The following KCNJ16 variants were observed in gnomAD, a reference collection of about 807,000 sequenced individuals.
KCNJ16 encodes the protein inward rectifier potassium channel 16.
A neutral mutation model predicts 18.5 loss-of-function variants in KCNJ16; 15 were observed. The observed-to-expected ratio is 0.81, with a 90% CI of 0.54 to 1.25. KCNJ16 has a LOEUF of 1.25. KCNJ16 is among the 50% of genes most tolerant of loss of function. The pLI is 0.00. For missense variants in KCNJ16, 523 were observed against 525.7 expected, an observed-to-expected ratio of 0.99 and a Z score of 0.05; for synonymous variants, 174 against 186.5, an observed-to-expected ratio of 0.93 and a Z score of 0.55.
chr17:70,079,197 T>C (rs1053380492), intron 1 of KCNJ16, among the ~76,000 whole-genome samples: 7 of 152,178 alleles, frequency 4.6e-5, no homozygotes, highest in African/African-American at 1.7e-4. Flanking sequence ...CATTGCAGTA[T>C]TGAGTTCAAA....
intron 1 of KCNJ16, among the ~76,000 whole-genome samples, chr17:70,093,949 GGA>G (rs1491386696): frequency 1.3e-5 from 2 of 148,498 alleles, no homozygotes; most frequent in Admixed American, 1.3e-4. Flanking sequence ...CAAGGAGTAA[GGA>G]AAAAAAAAAC....
chr17:70,089,012 CG>C lies in KCNJ16; in HGVS notation c.-299-11645del, dbSNP rs775261451. 3.7e-4 allele frequency among the ~76,000 whole-genome samples: 57 copies of C among 152,262 alleles called. 1 individual carries two copies. The highest frequency in any genetic ancestry group is 6.8e-3 in the Middle Eastern group (2 of 294). ...CTTAATGAGAAAAGGTTTTTAGTCT[CG>C]TTTCCACCAGAACGTGTGAAAGTTT... On this transcript the variant is annotated intron_variant, in intron 1 of 3. Coordinates refer to ENST00000392671, the MANE Select transcript of KCNJ16 (RefSeq NM_170741.4).
intron 2 of KCNJ16, chr17:70,108,280 T>C (rs1374722083): frequency 1.3e-5 from 2 of 152,260 alleles, no homozygotes; most frequent in Non-Finnish European, 2.9e-5. Context: ...CTTCTCTGTT[T>C]TTTCTTTTTC....
chr17:70,095,273 C>T (rs62081365), intron 1 of KCNJ16, among the ~76,000 whole-genome samples: 4 of 4,860 alleles, frequency 8.2e-4, no homozygotes, highest in African/African-American at 2.0e-3. Flanking sequence ...TAAGACAAAA[C>T]AACTTTGACC....
chr17:70,093,745 T>C (rs2072229224), intron 1 of KCNJ16, among the ~76,000 whole-genome samples: 1 of 152,184 alleles, frequency 6.6e-6, no homozygotes, highest in Admixed American at 6.5e-5. Flanking sequence ...TGCTTTTAGT[T>C]TCTTATGGCC....
intron 2 of KCNJ16, among the ~76,000 whole-genome samples, chr17:70,105,815 G>A (rs998138986): frequency 3.9e-5 from 6 of 152,054 alleles, no homozygotes; most frequent in Admixed American, 3.3e-4. Flanking sequence ...CATTTCACTA[G>A]AAGAAGTGGC....
At chr17:70,110,212 C>A (rs1341009478) in intron 2 of KCNJ16, among the ~76,000 whole-genome samples, 1 of 152,102 alleles carries the variant, frequency 6.6e-6, no homozygotes, top group Non-Finnish European at 1.5e-5. Context: ...CTGCCACTGA[C>A]ATAAAGGGTT....
chr17:70,109,250 T>A (rs1308930324), intron 2 of KCNJ16, among the ~76,000 whole-genome samples: 1 of 152,200 alleles, frequency 6.6e-6, no homozygotes, highest in African/African-American at 2.4e-5. Flanking sequence ...CCCAAACTAG[T>A]TAAGATTCAA....
At position 70,110,482 on chromosome 17, in the gene KCNJ16, G is replaced by GCA. The variant is rs34424075; in HGVS notation, c.-191+9735_-191+9736dup. On this transcript the variant is annotated intron_variant, in intron 2 of 3. Transcript: ENST00000392671. ...TTACACACCTACACACTTCGTGCGCGCACACACACACACACACACAAACTC... is the reference window on the plus strand; with the variant it reads ...TTACACACCTACACACTTCGTGCGCGCACACACACACACACACACACAAACTC... Among the ~76,000 whole-genome samples, 619 of 149,876 alleles carry GCA rather than the reference G, an allele frequency of 4.1e-3. 2 individuals carry two copies. The highest frequency in any genetic ancestry group is 4.3e-3 in the Non-Finnish European group (288 of 67,226).
chr17:70,130,985 G>A lies in KCNJ16; in HGVS notation c.-94+10G>A, dbSNP rs2074034573. The A allele has an allele frequency of 2.0e-6, 3 of 1,535,200 alleles. No individual in the cohort carries two copies. Among genetic ancestry groups the A allele is most frequent in the South Asian group, 1.2e-5 (1 of 84,040 alleles). On this transcript the variant is annotated intron_variant, in intron 3 of 3. Coordinates refer to ENST00000392671, the MANE Select transcript of KCNJ16 (RefSeq NM_170741.4). ...ATGGATGCTAAAAATGGTAAGAGCTGCATGTTCTGCCTTGATGTTTTCAAG... is the reference window on the plus strand; with the variant it reads ...ATGGATGCTAAAAATGGTAAGAGCTACATGTTCTGCCTTGATGTTTTCAAG...
chr17:70,104,880 T>C lies in KCNJ16; in HGVS notation c.-191+4114T>C, dbSNP rs59645233. On this transcript the variant is annotated intron_variant, in intron 2 of 3. Coordinates refer to ENST00000392671, the MANE Select transcript of KCNJ16 (RefSeq NM_170741.4). The stretch of plus-strand genomic sequence containing the variant: ...AGAACTCAGTGGCCTTTGTCTGTGG[T>C]GAATGTATCCGGAAAGGCAAAGAAG... 8.5e-5 allele frequency: 13 copies of C among 152,828 alleles called. No individual in the cohort carries two copies. In the East Asian group the frequency reaches 1.9e-3, roughly 23 times the overall value. 9.5% of individuals were successfully genotyped at this position (152,828 alleles called of 1,614,324 possible).
chr17:70,087,629 C>A (rs2071872799), intron 1 of KCNJ16, among the ~76,000 whole-genome samples: 1 of 152,024 alleles, frequency 6.6e-6, no homozygotes, highest in Admixed American at 6.5e-5. Context: ...ATCGCTTGAA[C>A]CCGGGAGGCA....
intron 1 of KCNJ16, among the ~76,000 whole-genome samples, chr17:70,092,822 G>A (rs1198511712): frequency 6.6e-6 from 1 of 152,078 alleles, no homozygotes; most frequent in African/African-American, 2.4e-5. Context: ...GAATATGGAT[G>A]CCCCATCTCC....
chr17:70,103,321 T>TATATATATATATATATAC (rs1355893521), intron 2 of KCNJ16, among the ~76,000 whole-genome samples: 22 of 44,484 alleles, frequency 4.9e-4, no homozygotes, highest in African/African-American at 1.5e-3. Context: ...TATATATATA[T>TATATATATATATATATAC]ACACACACAT....
chr17:70,091,160 C>T (rs974102232), intron 1 of KCNJ16, among the ~76,000 whole-genome samples: 3 of 152,168 alleles, frequency 2.0e-5, no homozygotes, highest in Non-Finnish European at 4.4e-5. Flanking sequence ...AGAAGAATTA[C>T]ACCAATCATG....
intron 1 of KCNJ16, among the ~76,000 whole-genome samples, chr17:70,085,947 T>C (rs2071777636): frequency 6.6e-6 from 1 of 152,116 alleles, no homozygotes; most frequent in Admixed American, 6.5e-5. Context: ...GTTTTATTGA[T>C]GGGGGAAAAT....
chr17:70,115,213 G>A (rs1233500562), intron 2 of KCNJ16, among the ~76,000 whole-genome samples: 2 of 152,096 alleles, frequency 1.3e-5, no homozygotes, highest in African/African-American at 4.8e-5. Flanking sequence ...ATCTACAAGT[G>A]CAAGATGTTC....
chr17:70,102,095 C>T (rs2072655425), intron 2 of KCNJ16: 1 of 151,896 alleles, frequency 6.6e-6, no homozygotes, highest in Non-Finnish European at 1.5e-5. Context: ...AGTAACATCA[C>T]ATGCACAAAG....
chr17:70,096,282 CT>C (rs1284452556), intron 1 of KCNJ16, among the ~76,000 whole-genome samples: 3 of 152,078 alleles, frequency 2.0e-5, no homozygotes, highest in African/African-American at 7.2e-5. Flanking sequence ...TGTGGAACTA[CT>C]TAGAGGTCAT....
Sources: allele counts gnomAD v4.1 joint callset (sites outside exome capture counted in the v4.1 genomes callset), GRCh38; gene constraint gnomAD v4.1.1; transcripts MANE v1.5; gene names NCBI Gene and HGNC (gene_info 2026-07-23, HGNC 2026-07-21).